The following MTMR7 variants were observed in gnomAD, a reference collection of about 807,000 sequenced individuals.
MTMR7 encodes phosphatidylinositol-3-phosphate phosphatase MTMR7.
A neutral mutation model predicts 81.2 loss-of-function variants in MTMR7; 76 were observed. The ratio of observed to expected loss-of-function variants is 0.94; its 90% CI spans 0.78 to 1.13. The LOEUF (loss-of-function observed/expected upper bound fraction) is 1.13, where lower values mean the gene tolerates loss of function less well. Ranked by LOEUF, MTMR7 falls within the 50% of genes most tolerant of loss-of-function variation. The pLI is 0.00. For missense variants in MTMR7, 1,044 were observed against 820.0 expected, an observed-to-expected ratio of 1.27 and a Z score of -3.34; for synonymous variants, 372 against 289.8, an observed-to-expected ratio of 1.28 and a Z score of -2.88.
chr8:17,390,915 C>T (rs751252384), intron 1 of MTMR7, among the ~76,000 whole-genome samples: 3 of 152,230 alleles, frequency 2.0e-5, no homozygotes, highest in African/African-American at 4.8e-5. Flanking sequence ...ATTCAGATTA[C>T]AATCCAAGAT....
chr8:17,405,251 G>C (rs1821543438), intron 1 of MTMR7, among the ~76,000 whole-genome samples: 1 of 152,202 alleles, frequency 6.6e-6, no homozygotes, highest in Admixed American at 6.5e-5. Flanking sequence ...ATTTGAACCT[G>C]CTTACAACCT....
chr8:17,345,964 A>C (rs1819539578), intron 5 of MTMR7: 1 of 152,212 alleles, frequency 6.6e-6, no homozygotes, highest in Non-Finnish European at 1.5e-5. Flanking sequence ...AAAATGTCTC[A>C]AATAACCAAA....
chr8:17,401,848 C>T (rs997040027), intron 1 of MTMR7, among the ~76,000 whole-genome samples: 1 of 151,946 alleles, frequency 6.6e-6, no homozygotes, highest in East Asian at 1.9e-4. Context: ...AATTGAGGTA[C>T]CTATTAGATA....
intron 3 of MTMR7, among the ~76,000 whole-genome samples, chr8:17,369,705 G>C (rs1820351848): frequency 6.8e-6 from 1 of 146,404 alleles, no homozygotes; most frequent in Non-Finnish European, 1.5e-5. Flanking sequence ...GAGTGCAGTG[G>C]CAAGATCTCA....
At chr8:17,330,866 C>A (rs977935659) in intron 7 of MTMR7, among the ~76,000 whole-genome samples, 2 of 152,166 alleles carry the variant, frequency 1.3e-5, no homozygotes, top group Non-Finnish European at 2.9e-5. Flanking sequence ...ATCAAACTAA[C>A]ATTATGAGGA....
At chr8:17,384,691 A>C (rs963223205) in intron 1 of MTMR7, among the ~76,000 whole-genome samples, 2 of 152,236 alleles carry the variant, frequency 1.3e-5, no homozygotes, top group Non-Finnish European at 2.9e-5. Flanking sequence ...TTTCCAATTT[A>C]AAAAGAAAGC....
In MTMR7 at chr8:17,388,773, C is replaced by A. The variant is rs574691666; in HGVS notation, c.25-15533G>T. On this transcript the variant is annotated intron_variant, in intron 1 of 13. Transcript: ENST00000180173. ...GTCTCATGCTCTCCCTCCCACCAAC[C>A]CCTGGCAAGTACCAGTGCCAGAGGA... is the stretch of plus-strand genomic sequence containing the variant. Among the ~76,000 whole-genome samples, 3 of 152,298 alleles carry A rather than the reference C, an allele frequency of 2.0e-5. No homozygotes were observed. The South Asian group carries it at 6.2e-4, about 32-fold the overall frequency.
At chr8:17,371,609 C>T (rs1272057125) in intron 2 of MTMR7, among the ~76,000 whole-genome samples, 1 of 152,078 alleles carries the variant, frequency 6.6e-6, no homozygotes, top group East Asian at 1.9e-4. Flanking sequence ...CCACCATGCT[C>T]CTTAATTCCA....
At chr8:17,302,711 C>CG (rs1554504088) in intron 12 of MTMR7, among the ~76,000 whole-genome samples, 2 of 68,652 alleles carry the variant, frequency 2.9e-5, no homozygotes, top group Admixed American at 1.1e-4. Context: ...TAACCCCCCC[C>CG]CCCCCGCTTT....
chr8:17,373,340 A>G (rs982303426), intron 1 of MTMR7, 100 bp from the exon 2 acceptor site: 20 of 1,379,494 alleles, frequency 1.4e-5, no homozygotes, highest in Non-Finnish European at 1.8e-5. Context: ...CCAAAATACA[A>G]TTTTTTGAGA....
intron 7 of MTMR7, among the ~76,000 whole-genome samples, chr8:17,320,817 T>G (rs1818349617): frequency 6.6e-6 from 1 of 152,196 alleles, no homozygotes; most frequent in Admixed American, 6.5e-5. Context: ...CATGGCAAAT[T>G]CCAGCACCCT....
At chr8:17,394,061 G>T (rs1247627589) in intron 1 of MTMR7, among the ~76,000 whole-genome samples, 1 of 152,128 alleles carries the variant, frequency 6.6e-6, no homozygotes, top group Non-Finnish European at 1.5e-5. Flanking sequence ...TGTTGGTGAG[G>T]ATATGGAGAT....
At chr8:17,341,542 A>T in intron 5 of MTMR7, 45 bp from the exon 6 acceptor site, 1 of 1,604,888 alleles carries the variant, frequency 6.2e-7, no homozygotes, top group East Asian at 2.2e-5. Context: ...AGGTAACTGT[A>T]CCCATGAGAG....
At chr8:17,300,315 G>T in intron 13 of MTMR7, 91 bp from the exon 14 acceptor site, 1 of 1,328,436 alleles carries the variant, frequency 7.5e-7, no homozygotes, top group Non-Finnish European at 1.0e-6. Context: ...TACCTCCCAC[G>T]TGGGTATAAT....
rs1377298278 is a variant in MTMR7 at position 17,297,902 on chromosome 8, G to C, written c.*1960C>G. The C allele has an allele frequency of 6.6e-6, 1 of 152,000 alleles. No individual in the cohort carries two copies. Among genetic ancestry groups the C allele is most frequent in the Non-Finnish European group, 1.5e-5 (1 of 67,884 alleles). 9.4% of individuals were successfully genotyped at this position (152,000 alleles called of 1,614,324 possible). ...ATTATAATGTCTGTCTTGTAAAAAAGTTGAGGGGACTAAAAGTTTATGACT... is the reference window on the plus strand; with the variant it reads ...ATTATAATGTCTGTCTTGTAAAAAACTTGAGGGGACTAAAAGTTTATGACT... On this transcript the variant is annotated 3_prime_UTR_variant, in exon 14 of 14. Transcript: ENST00000180173.
intron 10 of MTMR7, among the ~76,000 whole-genome samples, chr8:17,307,436 T>G (rs1563318391): frequency 1.3e-5 from 2 of 152,158 alleles, no homozygotes; most frequent in African/African-American, 4.8e-5. Context: ...ACACTGTTGG[T>G]GGGACTGTAA....
chr8:17,347,195 GA>G (rs57811867), intron 5 of MTMR7, among the ~76,000 whole-genome samples: 4,950 of 112,292 alleles, frequency 0.044, 233 homozygotes, highest in African/African-American at 0.14. Context: ...TCTTGTTTCC[GA>G]AAAAAAAAAA....
intron 1 of MTMR7, among the ~76,000 whole-genome samples, chr8:17,385,945 A>G (rs1015602935): frequency 3.3e-5 from 5 of 152,344 alleles, no homozygotes; most frequent in Non-Finnish European, 5.9e-5. Flanking sequence ...TCAATACAAT[A>G]CAAAGCAAGC....
rs1821356540 is a variant in MTMR7, at chr8:17,399,407, T to A, written c.24+13862A>T. 2.0e-5 allele frequency among the ~76,000 whole-genome samples: 3 copies of A among 151,952 alleles called. No homozygotes were observed. The South Asian group carries it at 6.2e-4, about 31-fold the overall frequency. On this transcript the variant is annotated intron_variant, in intron 1 of 13. Coordinates refer to ENST00000180173, the MANE Select transcript of MTMR7 (RefSeq NM_004686.5). ...ATAGCTACAAATAATATAAAATACC[T>A]AGGAAACAATTTAACTTAAGTAAAA...
Sources: gnomAD v4.1 joint callset for allele counts (sites outside exome capture counted in the v4.1 genomes callset) on GRCh38, gnomAD v4.1.1 for gene constraint, MANE v1.5 for transcripts, NCBI Gene and HGNC (gene_info 2026-07-23, HGNC 2026-07-21) for gene names.